POLR3E: variants seen among roughly 807,000 people sequenced by gnomAD.
POLR3E encodes DNA-directed RNA polymerase III subunit RPC5.
A neutral mutation model predicts 96.6 loss-of-function variants in POLR3E; 41 were observed. The ratio of observed to expected loss-of-function variants is 0.42; its 90% CI spans 0.33 to 0.55. The LOEUF is 0.55. Among genes scored for constraint, POLR3E ranks in the 20% least tolerant of loss-of-function variants. The pLI is 0.06. For missense variants in POLR3E, 849 were observed against 952.1 expected (o/e 0.89, Z 1.43); for synonymous variants, 396 against 383.6 (o/e 1.03, Z -0.38).
chr16:22,301,783 GGGCCTGGT>G (rs768070175), intron 1 of POLR3E, among the ~76,000 whole-genome samples: 1 of 151,472 alleles, frequency 6.6e-6, no homozygotes, highest in Non-Finnish European at 1.5e-5. Flanking sequence ...AAAATTAGCC[GGGCCTGGT>G]GGTGCATGCC....
chr16:22,299,915 A>G (rs1299793122), intron 1 of POLR3E, among the ~76,000 whole-genome samples: 2 of 151,574 alleles, frequency 1.3e-5, no homozygotes, highest in South Asian at 2.1e-4. Flanking sequence ...GCGCCTCACT[A>G]TGTTGCTCAG....
At chr16:22,326,398 C>T (rs1270844955) in intron 18 of POLR3E, 120 bp downstream of exon 18, 5 of 843,032 alleles carry the variant, frequency 5.9e-6, no homozygotes, top group Non-Finnish European at 9.7e-6. Context: ...TCACGTGGGC[C>T]TAGGTGTGAC....
rs1042679723 is a variant in POLR3E at position 22,334,478 on chromosome 16, C to T, written c.*778C>T. ...CTATCTTCAAATGGTTACAGGAAGG[C>T]GATCTTGTTGGGCTCAGCGTTACGT... On this transcript the variant is annotated 3_prime_UTR_variant, in exon 21 of 21. Coordinates refer to ENST00000299853, the MANE Select transcript of POLR3E (RefSeq NM_018119.4). 1.3e-5 allele frequency: 2 copies of T among 152,088 alleles called. No individual in the cohort carries two copies. Among genetic ancestry groups the T allele is most frequent in the Non-Finnish European group, 2.9e-5 (2 of 68,032 alleles). 9.4% of individuals were successfully genotyped at this position (152,088 alleles called of 1,614,324 possible). A position where few individuals can be genotyped will look rare whatever the true frequency, so the allele number is the denominator to read the frequency against.
intron 12 of POLR3E, among the ~76,000 whole-genome samples, chr16:22,317,667 T>TG (rs57442466): frequency 0.021 from 3,032 of 144,576 alleles, 76 homozygotes; most frequent in African/African-American, 0.058. Context: ...TTGTTGTTGT[T>TG]TTTTTTTTTA....
At position 22,333,877 on chromosome 16, in the gene POLR3E, C is replaced by T. The variant is rs2048795981; in HGVS notation, c.*177C>T. The T allele has an allele frequency of 3.6e-6, 2 of 554,550 alleles. No individual in the cohort carries two copies. Among genetic ancestry groups the T allele is most frequent in the East Asian group, 5.6e-5 (2 of 35,506 alleles). 34.4% of individuals were successfully genotyped at this position (554,550 alleles called of 1,614,324 possible). ...GATTATCCTCAGCCAGTCGCAGGGT[C>T]AGCTTAAGTTAGTTAGATCACTCCC... On this transcript the variant is annotated 3_prime_UTR_variant, in exon 21 of 21. Transcript: ENST00000299853.
intron 19 of POLR3E, chr16:22,331,822 T>C (rs906200308): frequency 2.4e-6 from 1 of 409,326 alleles, no homozygotes; most frequent in Non-Finnish European, 4.5e-6. Flanking sequence ...TTTGTTTTTA[T>C]TTATATTCAA....
chr16:22,328,746 A>G (rs1761416212), intron 19 of POLR3E, 159 bp downstream of exon 19: 3 of 644,944 alleles, frequency 4.7e-6, no homozygotes, highest in African/African-American at 3.6e-5. Flanking sequence ...TACGCTAACA[A>G]AATAAGCTGT....
intron 16 of POLR3E, 24 bp from the exon 17 acceptor site, chr16:22,325,181 T>G: frequency 6.3e-7 from 1 of 1,592,428 alleles, no homozygotes; most frequent in East Asian, 2.2e-5. Flanking sequence ...GGTTTAAAGT[T>G]AATGGGGTTA....
At chr16:22,310,489 G>A (rs1222192606) in intron 6 of POLR3E, among the ~76,000 whole-genome samples, 2 of 151,938 alleles carry the variant, frequency 1.3e-5, no homozygotes, top group African/African-American at 2.4e-5. Context: ...ATTCTGCCAC[G>A]TTGGCCAGGC....
chr16:22,306,109 G>A (rs2048127579), intron 3 of POLR3E, among the ~76,000 whole-genome samples: 1 of 152,000 alleles, frequency 6.6e-6, no homozygotes, highest in South Asian at 2.1e-4. Flanking sequence ...CTTATTTTCT[G>A]TTTATGGTTT....
intron 1 of POLR3E, 105 bp from the exon 2 acceptor site, chr16:22,302,826 G>T (rs968113683): frequency 1.3e-6 from 1 of 771,426 alleles, no homozygotes; most frequent in African/African-American, 1.7e-5. Context: ...AGGTCAGTTG[G>T]TTGGTTGTGG....
In POLR3E at chr16:22,313,883, C is replaced by A. The variant is rs2048299495; in HGVS notation, c.472+156C>A. On this transcript the variant is annotated intron_variant, in intron 7 of 20. Transcript: ENST00000299853. This position sits in a 1 kb window ranked among gnomAD's most constrained non-coding sequence, Gnocchi z 4.1. ...GCACCCACCCCACAGTCGTGACAAT[C>A]AAAAAGGTCACATTGCCCAGTATCC... 6.6e-6 allele frequency among the ~76,000 whole-genome samples: 1 copy of A among 152,080 alleles called. No homozygotes were observed. The highest frequency in any genetic ancestry group is 2.1e-4 in the South Asian group (1 of 4,816).
intron 1 of POLR3E, chr16:22,298,892 TAAAGTAA>T: frequency 2.3e-6 from 1 of 438,596 alleles, no homozygotes; most frequent in Non-Finnish European, 4.6e-6. Context: ...ATTTTTTTTT[TAAAGTAA>T]TGCTCCCCAT....
intron 3 of POLR3E, among the ~76,000 whole-genome samples, chr16:22,307,822 C>T (rs1259376134): frequency 6.6e-6 from 1 of 152,174 alleles, no homozygotes; most frequent in Non-Finnish European, 1.5e-5. Flanking sequence ...GACCCCCATC[C>T]TCACCTCCCA....
chr16:22,309,511 G>A lies in POLR3E; in HGVS notation c.364+1G>A. On this transcript the variant is annotated splice_donor_variant, in intron 6 of 20. Transcript: ENST00000299853. LOFTEE classifies it high-confidence loss of function. Reference sequence around the variant, plus strand: ...TATGCCGCTGCACTCTACAGGCAAGGTACCCGGGGCTGGGTGTCCCGCGGT... The same window carrying A: ...TATGCCGCTGCACTCTACAGGCAAGATACCCGGGGCTGGGTGTCCCGCGGT... 1 of 1,610,548 alleles carries A rather than the reference G, an allele frequency of 6.2e-7. No individual in the cohort carries two copies. The highest frequency in any genetic ancestry group is 8.5e-7 in the Non-Finnish European group (1 of 1,176,990).
At chr16:22,308,884 T>C (rs1248637076) in intron 4 of POLR3E, 41 bp from the exon 5 acceptor site, 1 of 1,371,630 alleles carries the variant, frequency 7.3e-7, no homozygotes. Flanking sequence ...GAGCCATGCC[T>C]TGGGGTCCTC....
At chr16:22,301,156 CG>C (rs1329830212) in intron 1 of POLR3E, among the ~76,000 whole-genome samples, 2 of 116,800 alleles carry the variant, frequency 1.7e-5, no homozygotes, top group Non-Finnish European at 3.5e-5. Flanking sequence ...ATGAGGTTAT[CG>C]GGGGGGTAGA....
rs756511059 is a variant in POLR3E at position 22,317,148 on chromosome 16, G to A, written c.807G>A (p.Ser269=). The change falls in exon 12 of 21, where the codon TCG becomes TCA. Residue 269 remains serine (S), a synonymous_variant. Transcript: ENST00000299853. ...DKPVAPSNVL[S]MAQLRTLPLA... ...CTGTGGCCCCCAGCAACGTCCTGTC[G>A]ATGGCCCAGCTGCGCACGCTGCCCC... 54 of 1,613,958 alleles carry A rather than the reference G, an allele frequency of 3.3e-5. 1 individual carries two copies. The Admixed American group carries it at 5.0e-4, about 15-fold the overall frequency.
chr16:22,311,795 C>G (rs912099031), intron 6 of POLR3E, among the ~76,000 whole-genome samples: 5 of 152,102 alleles, frequency 3.3e-5, no homozygotes, highest in Admixed American at 2.6e-4. Flanking sequence ...TGCACCCAGC[C>G]TAGGTATATT....
Sources: gnomAD v4.1 joint callset for allele counts (sites outside exome capture counted in the v4.1 genomes callset) on GRCh38, gnomAD v4.1.1 for gene constraint, Gnocchi (gnomAD v3.1) non-coding constraint, MANE v1.5 for transcripts, NCBI Gene and HGNC (gene_info 2026-07-23, HGNC 2026-07-21) for gene names.